Variants in FAM81A observed in about 807,000 individuals in gnomAD.
FAM81A encodes family with sequence similarity 81 member A, also known as protein FAM81A.
Under a neutral mutation model 46.7 loss-of-function variants are expected in FAM81A, and 19 were observed. The observed-to-expected ratio is 0.41, with a 90% CI of 0.28 to 0.60. FAM81A has a LOEUF of 0.60. Among genes scored for constraint, FAM81A ranks in the 20% least tolerant of loss-of-function variants. FAM81A has a pLI of 0.34. For synonymous variants in FAM81A, 183 were observed against 152.9 expected (o/e 1.20, Z -1.45); for missense variants, 377 against 453.5 (o/e 0.83, Z 1.53).
chr15:59,448,267 C>T (rs943076476), intron 1 of FAM81A, among the ~76,000 whole-genome samples: 5 of 152,258 alleles, frequency 3.3e-5, no homozygotes, highest in Non-Finnish European at 7.4e-5. Context: ...ATCCCAGATA[C>T]TCAGGAGGCT....
intron 4 of FAM81A, among the ~76,000 whole-genome samples, chr15:59,504,928 A>AT (rs1441668504): frequency 6.6e-6 from 1 of 152,092 alleles, no homozygotes; most frequent in East Asian, 1.9e-4. Flanking sequence ...CCCATGCTTT[A>AT]TGTATTTTTA....
chr15:59,484,961 T>TA (rs2081899663), intron 3 of FAM81A, among the ~76,000 whole-genome samples: 1 of 152,126 alleles, frequency 6.6e-6, no homozygotes, highest in Admixed American at 6.5e-5. Context: ...CCTTGGGCCT[T>TA]AGGTGAACAA....
At chr15:59,427,357 T>C (rs2081199364) in intron 2 of FAM81A, among the ~76,000 whole-genome samples, 2 of 146,552 alleles carry the variant, frequency 1.4e-5, no homozygotes, top group Admixed American at 6.8e-5. Flanking sequence ...GTGATTTGCT[T>C]GTCTCAGCCT....
At chr15:59,434,250 G>A (rs538723102), upstream of FAM81A, among the ~76,000 whole-genome samples, 1 of 152,194 alleles carries the variant, frequency 6.6e-6, no homozygotes, top group East Asian at 1.9e-4. Flanking sequence ...GATGCATTGT[G>A]CTCTCCTTGT....
chr15:59,434,110 C>T (rs553469685), upstream of FAM81A, among the ~76,000 whole-genome samples: 10 of 152,280 alleles, frequency 6.6e-5, no homozygotes, highest in Admixed American at 6.5e-4. Flanking sequence ...CCATCTAGGC[C>T]TCCCAAAGTG....
intron 7 of FAM81A, 134 bp downstream of exon 7, chr15:59,514,558 G>T (rs1279509088): frequency 4.4e-6 from 5 of 1,148,850 alleles, no homozygotes; most frequent in Non-Finnish European, 6.0e-6. Flanking sequence ...CATTTCCATA[G>T]TTCCATATTG....
intron 4 of FAM81A, among the ~76,000 whole-genome samples, chr15:59,502,151 A>C (rs28446154): frequency 2.7e-5 from 4 of 145,930 alleles, no homozygotes; most frequent in African/African-American, 9.9e-5. Context: ...TTTATTTTTT[A>C]TTTTTTTCTT....
In FAM81A at chr15:59,497,320, C is replaced by G. The variant is rs1374071904; in HGVS notation, c.413+4931C>G. 4.6e-5 allele frequency among the ~76,000 whole-genome samples: 7 copies of G among 151,716 alleles called. No individual in the cohort carries two copies. The South Asian group carries it at 1.5e-3, about 32-fold the overall frequency. ...AATTAGCCAGGTGTGGTAGTGGCCACCTGTAATCCCAGCTACTCGGGTGGC... is the reference window on the plus strand; with the variant it reads ...AATTAGCCAGGTGTGGTAGTGGCCAGCTGTAATCCCAGCTACTCGGGTGGC... On this transcript the variant is annotated intron_variant, in intron 4 of 8. Coordinates refer to ENST00000288228, the MANE Select transcript of FAM81A (RefSeq NM_152450.3).
chr15:59,476,178 C>T (rs2081765046), intron 3 of FAM81A, among the ~76,000 whole-genome samples: 2 of 152,080 alleles, frequency 1.3e-5, no homozygotes, highest in Admixed American at 1.3e-4. Context: ...TCTTATAGGC[C>T]CCACCTCCTA....
chr15:59,425,308 C>T (rs1484330981), intron 2 of FAM81A, among the ~76,000 whole-genome samples: 1 of 152,184 alleles, frequency 6.6e-6, no homozygotes, highest in Non-Finnish European at 1.5e-5. Context: ...TACCCCAAAT[C>T]ATCGACTTGG....
At chr15:59,429,939 G>A (rs1248384022) in intron 2 of FAM81A, among the ~76,000 whole-genome samples, 1 of 152,202 alleles carries the variant, frequency 6.6e-6, no homozygotes, top group African/African-American at 2.4e-5. Context: ...TTAGAGGGTT[G>A]AGTCCAGGCC....
At chr15:59,471,739 C>T (rs983680241) in intron 3 of FAM81A, among the ~76,000 whole-genome samples, 22 of 152,068 alleles carry the variant, frequency 1.4e-4, no homozygotes, top group African/African-American at 4.8e-4. Context: ...TACCTGGTCT[C>T]CTTTTTTTGA....
intron 4 of FAM81A, among the ~76,000 whole-genome samples, chr15:59,503,718 G>A (rs377215200): frequency 7.9e-5 from 12 of 151,926 alleles, no homozygotes; most frequent in East Asian, 3.9e-4. Context: ...GATTACATGC[G>A]TGCACCACCA....
chr15:59,480,778 A>G (rs183311222), intron 3 of FAM81A, among the ~76,000 whole-genome samples: 2 of 152,202 alleles, frequency 1.3e-5, no homozygotes, highest in African/African-American at 4.8e-5. Context: ...TTAAAAATAA[A>G]TGCATCATGA....
At chr15:59,440,889 G>A (rs542963598) in intron 1 of FAM81A, among the ~76,000 whole-genome samples, 73 of 152,068 alleles carry the variant, frequency 4.8e-4, no homozygotes, top group South Asian at 1.5e-3. Flanking sequence ...AATCACCCCC[G>A]CTTGCCTGCT....
chr15:59,413,076 C>G (rs148989400), intron 2 of FAM81A, among the ~76,000 whole-genome samples: 198 of 152,242 alleles, frequency 1.3e-3, no homozygotes, highest in Non-Finnish European at 2.3e-3. Flanking sequence ...TTGGGAGCAA[C>G]AGCACGCCAC....
chr15:59,469,578 CTCCA>C (rs1296012653), intron 3 of FAM81A, among the ~76,000 whole-genome samples: 3 of 151,396 alleles, frequency 2.0e-5, no homozygotes, highest in African/African-American at 7.3e-5. Flanking sequence ...GTAGATCTTC[CTCCA>C]TCCCTTTATT....
At position 59,521,494 on chromosome 15, in the gene FAM81A, C is replaced by A; in HGVS notation, c.*116C>A. 2 of 1,258,456 alleles carry A rather than the reference C, an allele frequency of 1.6e-6. No individual in the cohort carries two copies. The highest frequency in any genetic ancestry group is 2.1e-6 in the Non-Finnish European group (2 of 947,008). 78.0% of individuals were successfully genotyped at this position (1,258,456 alleles called of 1,614,324 possible). On this transcript the variant is annotated 3_prime_UTR_variant, in exon 9 of 9. Transcript: ENST00000288228. ...TTGTTCCATCCATGGCGTGCATGTG[C>A]CAAGAAATGTGTTTTTATGGGTCTA...
intron 4 of FAM81A, among the ~76,000 whole-genome samples, chr15:59,499,062 G>A (rs764785449): frequency 1.3e-5 from 2 of 152,138 alleles, no homozygotes; most frequent in Non-Finnish European, 1.5e-5. Context: ...TATCATGAAG[G>A]GGATTGGATT....
Sources: allele counts gnomAD v4.1 joint callset (sites outside exome capture counted in the v4.1 genomes callset), GRCh38; gene constraint gnomAD v4.1.1; transcripts MANE v1.5; gene names NCBI Gene and HGNC (gene_info 2026-07-23, HGNC 2026-07-21).